Variants in RASAL1 observed in about 807,000 individuals in gnomAD.
RASAL1 encodes the protein RAS protein activator like 1, also known as rasGAP-activating-like protein 1.
Under a neutral mutation model 96.6 loss-of-function variants are expected in RASAL1, and 72 were observed. The observed-to-expected ratio is 0.75, with a 90% CI of 0.62 to 0.91. The LOEUF is 0.91. RASAL1 is among the 40% of genes least tolerant of loss of function. The pLI is 0.00. For synonymous variants in RASAL1, 405 were observed against 430.4 expected (o/e 0.94, Z 0.73); for missense variants, 1,016 against 1,072.5 (o/e 0.95, Z 0.74).
intron 12 of RASAL1, among the ~76,000 whole-genome samples, chr12:113,112,680 G>A: frequency 6.6e-6 from 1 of 152,158 alleles, no homozygotes; most frequent in East Asian, 1.9e-4. Flanking sequence ...AACCAGGCCC[G>A]GTGGCTCATG....
At chr12:113,101,182 G>A (rs183008754) in intron 19 of RASAL1, among the ~76,000 whole-genome samples, 91 of 152,324 alleles carry the variant, frequency 6.0e-4, no homozygotes, top group East Asian at 5.4e-3. Context: ...AGGGCAAGGC[G>A]AGACAGGTGG....
intron 13 of RASAL1, among the ~76,000 whole-genome samples, chr12:113,109,897 A>T (rs1309995670): frequency 6.6e-6 from 1 of 152,100 alleles, no homozygotes; most frequent in Non-Finnish European, 1.5e-5. Context: ...CTCCTTTTTG[A>T]AGGCAAAGAA....
Position 113,099,938 on chromosome 12 carries a change from A to C in RASAL1, c.2409T>G (p.Leu803=). Residue 803 remains leucine, a synonymous_variant, in exon 21 of 21, where the codon CTT becomes CTG. Coordinates refer to ENST00000548055, the MANE Select transcript of RASAL1 (RefSeq NM_001301202.2). ...TAGCTCTGGCATTTCCTTAGGGGCCAAGGGGGCCCAGGGCCGCCTTCCCTC... is the reference window on the plus strand; with the variant it reads ...TAGCTCTGGCATTTCCTTAGGGGCCCAGGGGGCCCAGGGCCGCCTTCCCTC... ...QERGKAALGP[L]GP The C allele has an allele frequency of 6.2e-7, 1 of 1,611,578 alleles. No individual in the cohort carries two copies. The highest frequency in any genetic ancestry group is 8.5e-7 in the Non-Finnish European group (1 of 1,178,788).
chr12:113,122,231 C>T (rs945034075), intron 4 of RASAL1, among the ~76,000 whole-genome samples: 6 of 152,174 alleles, frequency 3.9e-5, no homozygotes, highest in African/African-American at 1.2e-4. Context: ...CACACACTTC[C>T]CCCTGGTATA....
rs150844584 is a variant in RASAL1 at position 113,128,142 on chromosome 12, C to G, written c.159G>C (p.Trp53Cys). The change falls in exon 3 of 21, where the codon TGG becomes TGC. Residue 53 changes from tryptophan to cysteine, a missense_variant. By Grantham distance (215) the Trp-to-Cys change is radical. Coordinates refer to ENST00000548055, the MANE Select transcript of RASAL1 (RefSeq NM_001301202.2). Reference sequence around the variant, plus strand: ...GCAGGTGCACCGTGTACTCCTCCCCCCAGAAGGGGCCCAGGCTCCTCCAGA... The same window carrying G: ...GCAGGTGCACCGTGTACTCCTCCCCGCAGAAGGGGCCCAGGCTCCTCCAGA... The part of the protein sequence containing the change: ...ATVWRSLGPF[W>C]GEEYTVHLPL... The G allele has an allele frequency of 1.1e-5, 17 of 1,613,738 alleles. No individual in the cohort carries two copies. The highest frequency in any genetic ancestry group is 4.0e-5 in the African/African-American group (3 of 74,892).
Position 113,114,932 on chromosome 12 carries a change from C to T in RASAL1, c.1069-20G>A, listed in dbSNP as rs1388932179. The stretch of plus-strand genomic sequence containing the variant: ...CACGAGCTGGGGGCAGGGGGCACCA[C>T]ACGGGGTGGGGCTGAGGGCGAGGCC... On this transcript the variant is annotated intron_variant, in intron 11 of 20. Coordinates refer to ENST00000548055, the MANE Select transcript of RASAL1 (RefSeq NM_001301202.2). 6.3e-7 allele frequency: 1 copy of T among 1,594,682 alleles called. No individual in the cohort carries two copies. The highest frequency in any genetic ancestry group is 8.6e-7 in the Non-Finnish European group (1 of 1,163,332).
chr12:113,134,724 A>C (rs1284735135), intron 1 of RASAL1, among the ~76,000 whole-genome samples: 1 of 152,152 alleles, frequency 6.6e-6, no homozygotes, highest in Admixed American at 6.5e-5. Context: ...GCTTGGGACT[A>C]GTAGTGAAGG....
Position 113,099,646 on chromosome 12 carries a change from A to T in RASAL1, c.*283T>A, listed in dbSNP as rs1170743583. On this transcript the variant is annotated 3_prime_UTR_variant, in exon 21 of 21. Transcript: ENST00000548055. ...TGGATAGAGGCCAGTTTGGTGAAGT[A>T]GAGACCCCAGTCTCAGTCAAATAAG... The T allele has an allele frequency of 2.9e-5, 9 of 307,708 alleles. No homozygotes were observed. The East Asian group carries it at 4.7e-4, about 16-fold the overall frequency. The allele number at this position is 307,708 out of a possible 1,614,324, so 19.1% of individuals were successfully genotyped here.
At chr12:113,120,856 G>A (rs1287271626) in intron 5 of RASAL1, among the ~76,000 whole-genome samples, 1 of 152,074 alleles carries the variant, frequency 6.6e-6, no homozygotes, top group Admixed American at 6.5e-5. Flanking sequence ...CCCTCCCTCC[G>A]CTCCAGTAAT....
At chr12:113,117,942 A>C (rs1951149703) in intron 7 of RASAL1, among the ~76,000 whole-genome samples, 1 of 152,176 alleles carries the variant, frequency 6.6e-6, no homozygotes, top group African/African-American at 2.4e-5. Context: ...ACAAGAATGA[A>C]GGCTGGGTGG....
chr12:113,131,918 A>G lies in RASAL1; in HGVS notation c.66-977T>C, dbSNP rs1951723491. ...GGCTGTCCCTGGCCACCACTGTCCTATCTAAAATGACCTCCACCTAAAATC... is the reference window on the plus strand; with the variant it reads ...GGCTGTCCCTGGCCACCACTGTCCTGTCTAAAATGACCTCCACCTAAAATC... On this transcript the variant is annotated intron_variant, in intron 1 of 20. Transcript: ENST00000548055. Among the ~76,000 whole-genome samples the G allele has an allele frequency of 2.7e-5, 4 of 149,818 alleles. No individual in the cohort carries two copies. In the South Asian group the frequency reaches 8.5e-4, roughly 32 times the overall value.
In RASAL1 at chr12:113,112,254, G is replaced by C; in HGVS notation, c.1206C>G (p.Leu402=). Reference sequence around the variant, plus strand: ...TGGTCTCCCGCATCTGCTCCTCCGAGAGTGCGCCTTTGAAGGAGATCCTCC... The same window carrying C: ...TGGTCTCCCGCATCTGCTCCTCCGACAGTGCGCCTTTGAAGGAGATCCTCC... ...RTRRISFKGA[L]SEEQMRETSL... Residue 402 remains leucine, a synonymous_variant, in exon 13 of 21, where the codon CTC becomes CTG. Transcript: ENST00000548055. 2 of 1,264,800 alleles carry C rather than the reference G, an allele frequency of 1.6e-6. No individual in the cohort carries two copies. Among genetic ancestry groups the C allele is most frequent in the Non-Finnish European group, 2.0e-6 (2 of 996,492 alleles). The allele number at this position is 1,264,800 out of a possible 1,614,324, so 78.3% of individuals were successfully genotyped here.
At position 113,135,013 on chromosome 12, in the gene RASAL1, C is replaced by T. The variant is rs757502061; in HGVS notation, c.65+385G>A. On this transcript the variant is annotated intron_variant, in intron 1 of 20. Coordinates refer to ENST00000548055, the MANE Select transcript of RASAL1 (RefSeq NM_001301202.2). The surrounding 1 kb of genome is among the most constrained non-coding windows in gnomAD (Gnocchi z 5.7). ...GGTTCCCTTGCTAGGCCCCCACCCACGCCTGGAGGAGCCACCTCCAACATC... is the reference window on the plus strand; with the variant it reads ...GGTTCCCTTGCTAGGCCCCCACCCATGCCTGGAGGAGCCACCTCCAACATC... Among the ~76,000 whole-genome samples, 1 of 152,030 alleles carries T rather than the reference C, an allele frequency of 6.6e-6. No homozygotes were observed. The highest frequency in any genetic ancestry group is 2.4e-5 in the African/African-American group (1 of 41,392).
At chr12:113,108,313 C>T in intron 13 of RASAL1, 91 bp from the exon 14 acceptor site, 1 of 1,436,530 alleles carries the variant, frequency 7.0e-7, no homozygotes, top group Non-Finnish European at 9.3e-7. Context: ...ATTCGTGGTG[C>T]AAAGAGAAGT....
Position 113,128,176 on chromosome 12 carries a change from G to T in RASAL1, c.125C>A (p.Thr42Lys). Residue 42 changes from threonine to lysine, a missense_variant and splice_region_variant, in exon 3 of 21, where the codon ACA becomes AAA. Coordinates refer to ENST00000548055, the MANE Select transcript of RASAL1 (RefSeq NM_001301202.2). ...GCCCAGGCTCCTCCAGACAGTAGCT[G>T]TCCTGCAAAAGGAGGTGCAGGGGGC... The part of the protein sequence containing the change: ...VKVDDEVVAR[T>K]ATVWRSLGPF... 1 of 1,612,126 alleles carries T rather than the reference G, an allele frequency of 6.2e-7. No homozygotes were observed. The highest frequency in any genetic ancestry group is 8.5e-7 in the Non-Finnish European group (1 of 1,178,990).
intron 4 of RASAL1, among the ~76,000 whole-genome samples, chr12:113,122,547 A>G (rs1951337538): frequency 1.3e-5 from 2 of 152,054 alleles, no homozygotes; most frequent in Admixed American, 1.3e-4. Context: ...CTGGTCTCGA[A>G]CTCCTGAACT....
chr12:113,099,835 G>C lies in RASAL1; in HGVS notation c.*94C>G. The C allele has an allele frequency of 6.7e-7, 1 of 1,487,182 alleles. No individual in the cohort carries two copies. 92.1% of individuals were successfully genotyped at this position (1,487,182 alleles called of 1,614,324 possible). ...GGAGCCTCCAAACCACAGAATCAAAGAGGTCCAAGGAGACAGGAGACTCCC... is the reference window on the plus strand; with the variant it reads ...GGAGCCTCCAAACCACAGAATCAAACAGGTCCAAGGAGACAGGAGACTCCC... On this transcript the variant is annotated 3_prime_UTR_variant, in exon 21 of 21. Coordinates refer to ENST00000548055, the MANE Select transcript of RASAL1 (RefSeq NM_001301202.2).
chr12:113,103,388 C>T (rs557911611), intron 18 of RASAL1, among the ~76,000 whole-genome samples: 94 of 152,090 alleles, frequency 6.2e-4, no homozygotes, highest in African/African-American at 1.9e-3. Context: ...GGCTTATCAC[C>T]TGAGGTCAGG....
chr12:113,128,173 G>T lies in RASAL1; in HGVS notation c.128C>A (p.Ala43Asp). The change falls in exon 3 of 21, where the codon GCT (alanine) becomes GAT (aspartate). Residue 43 changes from alanine (A) to aspartate (D), a missense_variant. Transcript: ENST00000548055. Reference protein sequence around the residue: ...KVDDEVVARTATVWRSLGPFW... With the variant: ...KVDDEVVARTDTVWRSLGPFW... The stretch of plus-strand genomic sequence containing the variant: ...GGGGCCCAGGCTCCTCCAGACAGTA[G>T]CTGTCCTGCAAAAGGAGGTGCAGGG... 14 of 1,612,278 alleles carry T rather than the reference G, an allele frequency of 8.7e-6. No individual in the cohort carries two copies. The highest frequency in any genetic ancestry group is 1.2e-5 in the Non-Finnish European group (14 of 1,179,146).
Sources: allele counts gnomAD v4.1 joint callset (sites outside exome capture counted in the v4.1 genomes callset), GRCh38; gene constraint gnomAD v4.1.1; non-coding constraint Gnocchi (gnomAD v3.1); transcripts MANE v1.5; gene names NCBI Gene and HGNC (gene_info 2026-07-23, HGNC 2026-07-21).